RHOT1: variants seen among roughly 807,000 people sequenced by gnomAD.
RHOT1 encodes ras homolog family member T1, also known as mitochondrial Rho GTPase 1.
In RHOT1, 27 loss-of-function variants were observed where a neutral mutation model predicts 95.3. The ratio of observed to expected loss-of-function variants is 0.28; its 90% CI spans 0.21 to 0.39. The LOEUF (loss-of-function observed/expected upper bound fraction) is 0.39, where lower values mean the gene tolerates loss of function less well. RHOT1 is among the 10% of genes least tolerant of loss of function. The pLI, the probability that RHOT1 is intolerant of heterozygous loss-of-function variation, is 1.00. For missense variants in RHOT1, 578 were observed against 786.7 expected (o/e 0.73, Z 3.17); for synonymous variants, 227 against 263.5 (o/e 0.86, Z 1.34).
chr17:32,172,455 C>A (rs952032871), intron 2 of RHOT1, among the ~76,000 whole-genome samples: 3 of 152,116 alleles, frequency 2.0e-5, no homozygotes, highest in Non-Finnish European at 2.9e-5. Context: ...TTTAGTTTTT[C>A]ACTTTTTTAG....
At position 32,208,140 on chromosome 17, in the gene RHOT1, A is replaced by G; in HGVS notation, c.1570A>G (p.Ile524Val). The G allele has an allele frequency of 6.2e-7, 1 of 1,614,126 alleles. No homozygotes were observed. The highest frequency in any genetic ancestry group is 8.5e-7 in the Non-Finnish European group (1 of 1,179,968). Residue 524 changes from isoleucine to valine, a missense_variant, in exon 18 of 20, where the codon ATC (isoleucine) becomes GTC (valine). Ile to Val is a conservative substitution (Grantham distance 29, BLOSUM62 3). This residue lies in a region of RHOT1 where 296 missense variants were observed against 338.5 expected (regional missense o/e 0.87). Coordinates refer to ENST00000545287, the MANE Select transcript of RHOT1 (RefSeq NM_001033566.3). ...HFMDSRIPCL[I>V]VAAKSDLHEV... ...TATGGACAGCAGAATACCTTGCTTA[A>G]TCGTAGCTGCAAAGTCAGACCTGCA... is the stretch of plus-strand genomic sequence containing the variant.
At chr17:32,183,449 G>A (rs73286160) in intron 8 of RHOT1, among the ~76,000 whole-genome samples, 177 bp downstream of exon 8, 1,733 of 152,160 alleles carry the variant, frequency 0.011, 35 homozygotes, top group African/African-American at 0.039. Flanking sequence ...TTAAATATTC[G>A]TAATATTTTC....
At chr17:32,208,507 C>A in intron 18 of RHOT1, 198 bp downstream of exon 18, 1 of 572,304 alleles carries the variant, frequency 1.7e-6, no homozygotes, top group Non-Finnish European at 3.1e-6. Context: ...GTGCTTCTGA[C>A]AATATCTGTA....
chr17:32,144,275 C>T (rs538101188), intron 1 of RHOT1, among the ~76,000 whole-genome samples: 2 of 152,262 alleles, frequency 1.3e-5, no homozygotes, highest in African/African-American at 4.8e-5. Context: ...ATTACAGGCA[C>T]TGTGGCTCAT....
rs921409451 is a variant in RHOT1 at position 32,208,542 on chromosome 17, C to T, written c.1739+233C>T. 30 of 507,410 alleles carry T rather than the reference C, an allele frequency of 5.9e-5. No individual in the cohort carries two copies. The Admixed American group carries it at 9.7e-4, about 16-fold the overall frequency. The allele number at this position is 507,410 out of a possible 1,614,324, so 31.4% of individuals were successfully genotyped here. A position where few individuals can be genotyped will look rare whatever the true frequency, so the allele number is the denominator to read the frequency against. ...ATATTTTTGAGCAGGCTGTAACTAT[C>T]TTAATAGAATAGTACAATAAAACAC... On this transcript the variant is annotated intron_variant, in intron 18 of 19. Coordinates refer to ENST00000545287, the MANE Select transcript of RHOT1 (RefSeq NM_001033566.3).
intron 1 of RHOT1, among the ~76,000 whole-genome samples, chr17:32,156,776 C>T (rs1454993404): frequency 1.3e-5 from 2 of 152,248 alleles, no homozygotes; most frequent in African/African-American, 2.4e-5. Context: ...TGGCAAAAGC[C>T]GGTTCCTGAA....
chr17:32,197,029 A>G (rs2036940456), intron 11 of RHOT1, among the ~76,000 whole-genome samples: 1 of 151,336 alleles, frequency 6.6e-6, no homozygotes, highest in South Asian at 2.1e-4. Flanking sequence ...AGGCTGAGGC[A>G]GGAGAATCGC....
intron 1 of RHOT1, among the ~76,000 whole-genome samples, chr17:32,168,250 C>T (rs1186153840): frequency 6.6e-6 from 1 of 152,104 alleles, no homozygotes; most frequent in Non-Finnish European, 1.5e-5. Context: ...TGCACACACA[C>T]ACACACTCAC....
chr17:32,208,557 C>A, intron 18 of RHOT1: 1 of 398,052 alleles, frequency 2.5e-6, no homozygotes, highest in Non-Finnish European at 4.6e-6. Context: ...TAGAATAGTA[C>A]AATAAAACAC....
In RHOT1 at chr17:32,199,458, C is replaced by G; in HGVS notation, c.1008C>G (p.Phe336Leu). Residue 336 changes from phenylalanine to leucine, a missense_variant, in exon 13 of 20, where the codon TTC becomes TTG. Phe to Leu is a conservative substitution (Grantham distance 22). Coordinates refer to ENST00000545287, the MANE Select transcript of RHOT1 (RefSeq NM_001033566.3). ...AGCTTAAAGATTTATTTAAAGTTTT[C>G]CCTTACATACCTTGGGGGCCAGATG... ...PDELKDLFKV[F>L]PYIPWGPDVN... The G allele has an allele frequency of 6.2e-6, 10 of 1,613,272 alleles. No homozygotes were observed. The highest frequency in any genetic ancestry group is 5.9e-6 in the Non-Finnish European group (7 of 1,179,616).
At chr17:32,204,056 T>C in intron 16 of RHOT1, 83 bp downstream of exon 16, 1 of 892,614 alleles carries the variant, frequency 1.1e-6, no homozygotes, top group Non-Finnish European at 1.8e-6. Context: ...TGGCTTCAAT[T>C]GAATGACTCT....
chr17:32,178,234 G>C (rs1351633715), intron 6 of RHOT1, among the ~76,000 whole-genome samples: 1 of 128,176 alleles, frequency 7.8e-6, no homozygotes. Context: ...CTCTCTTGCC[G>C]AGTCTGGACT....
intron 19 of RHOT1, chr17:32,220,912 T>C (rs1368449219): frequency 8.5e-6 from 2 of 234,240 alleles, no homozygotes. Flanking sequence ...TTCTAATGAG[T>C]GTATATTAGC....
At chr17:32,142,811 GC>G in intron 1 of RHOT1, 82 bp downstream of exon 1, 1 of 1,243,710 alleles carries the variant, frequency 8.0e-7, no homozygotes, top group Non-Finnish European at 1.1e-6. Flanking sequence ...CGCCCCTGCA[GC>G]CCCAACCTTT....
At chr17:32,212,457 A>AT (rs1367520112) in intron 19 of RHOT1, among the ~76,000 whole-genome samples, 1 of 152,196 alleles carries the variant, frequency 6.6e-6, no homozygotes, top group Non-Finnish European at 1.5e-5. Flanking sequence ...ACATAGACAG[A>AT]TTCTCTCATG....
intron 1 of RHOT1, among the ~76,000 whole-genome samples, chr17:32,170,825 T>C (rs1486141236): frequency 1.3e-5 from 2 of 152,222 alleles, no homozygotes; most frequent in East Asian, 3.8e-4. Flanking sequence ...TTAGGAGGGA[T>C]TTGTACTTTT....
At chr17:32,202,719 GA>G in intron 14 of RHOT1, 50 bp from the exon 15 acceptor site, 1 of 1,375,714 alleles carries the variant, frequency 7.3e-7, no homozygotes. Flanking sequence ...GAGGCTTAGT[GA>G]ATCTAAGTGG....
At chr17:32,145,790 G>T (rs560628106) in intron 1 of RHOT1, among the ~76,000 whole-genome samples, 3 of 152,040 alleles carry the variant, frequency 2.0e-5, no homozygotes, top group Non-Finnish European at 4.4e-5. Context: ...CGAGGCAGGT[G>T]GATCACTTGA....
intron 19 of RHOT1, among the ~76,000 whole-genome samples, chr17:32,211,742 G>A (rs978830781): frequency 1.3e-5 from 2 of 152,058 alleles, no homozygotes; most frequent in African/African-American, 4.8e-5. Flanking sequence ...TACCTGGAGT[G>A]TTTATTTGAA....
Sources: gnomAD v4.1 joint callset for allele counts (sites outside exome capture counted in the v4.1 genomes callset) on GRCh38, gnomAD v4.1.1 for gene constraint, gnomAD v4.1.1 regional missense constraint, MANE v1.5 for transcripts, NCBI Gene and HGNC (gene_info 2026-07-23, HGNC 2026-07-21) for gene names.